Variants in ODR4 observed in about 807,000 individuals in gnomAD.
ODR4 encodes odr-4 GPCR localization factor homolog, also known as protein odr-4 homolog.
In ODR4, 47 loss-of-function variants were observed where a neutral mutation model predicts 60.2. The ratio of observed to expected loss-of-function variants is 0.78; its 90% CI spans 0.62 to 1.00. ODR4 has a LOEUF of 1.00. Among genes scored for constraint, ODR4 ranks in the 50% least tolerant of loss-of-function variants. The pLI, the probability that ODR4 is intolerant of heterozygous loss-of-function variation, is 0.00. For missense variants in ODR4, 488 were observed against 530.8 expected (o/e 0.92, Z 0.79); for synonymous variants, 178 against 175.5 (o/e 1.01, Z -0.11).
intron 13 of ODR4, among the ~76,000 whole-genome samples, chr1:186,417,976 A>G (rs952535787): frequency 5.3e-5 from 8 of 152,192 alleles, no homozygotes; most frequent in Non-Finnish European, 1.2e-4. Flanking sequence ...CTATTGCAGG[A>G]GATTTTGATA....
At chr1:186,397,874 T>G (rs973927062) in intron 9 of ODR4, among the ~76,000 whole-genome samples, 3 of 152,224 alleles carry the variant, frequency 2.0e-5, no homozygotes, top group African/African-American at 7.2e-5. Flanking sequence ...TGTGCATTGC[T>G]TGTAGTTTTA....
At chr1:186,380,575 CA>C (rs76089299) in intron 2 of ODR4, among the ~76,000 whole-genome samples, 1,408 of 129,730 alleles carry the variant, frequency 0.011, 12 homozygotes, top group Middle Eastern at 0.033. Context: ...AGTACAAAGC[CA>C]AAAAAAAAAA....
chr1:186,399,921 A>G (rs909056941), intron 11 of ODR4, among the ~76,000 whole-genome samples: 3 of 151,972 alleles, frequency 2.0e-5, no homozygotes, highest in Non-Finnish European at 2.9e-5. Context: ...TTTTTTAATC[A>G]AAAGCAAGTT....
In ODR4 at chr1:186,391,700, G is replaced by A; in HGVS notation, c.620G>A (p.Gly207Glu). 1 of 1,589,080 alleles carries A rather than the reference G, an allele frequency of 6.3e-7. No individual in the cohort carries two copies. Among genetic ancestry groups the A allele is most frequent in the Non-Finnish European group, 8.6e-7 (1 of 1,163,332 alleles). Residue 207 changes from glycine (G) to glutamate (E), a missense_variant, in exon 8 of 14, where the codon GGA (glycine) becomes GAA (glutamate). Physicochemically the swap from Gly to Glu is moderately conservative, Grantham distance 98. Transcript: ENST00000287859. ...CCATGTTGTGTTTCTGTTAAGAATGGACTTACACGCTGGGCCAAGGAAATA... is the reference window on the plus strand; with the variant it reads ...CCATGTTGTGTTTCTGTTAAGAATGAACTTACACGCTGGGCCAAGGAAATA... ...SYTLEKNTKN[G>E]LTRWAKEIEN...
rs375283264 is a variant in ODR4, at chr1:186,418,992, G to A, written c.1298-17G>A. 1.9e-5 allele frequency: 31 copies of A among 1,594,360 alleles called. No individual in the cohort carries two copies. Among genetic ancestry groups the A allele is most frequent in the Non-Finnish European group, 2.4e-5 (28 of 1,169,304 alleles). On this transcript the variant is annotated splice_polypyrimidine_tract_variant and intron_variant, in intron 13 of 13. Coordinates refer to ENST00000287859, the MANE Select transcript of ODR4 (RefSeq NM_017847.6). Reference sequence around the variant, plus strand: ...CTCATTCCATTTTCATTTGTTCTGTGTTTGTTTTACTTTTAGGTGTGATTG... The same window carrying A: ...CTCATTCCATTTTCATTTGTTCTGTATTTGTTTTACTTTTAGGTGTGATTG...
intron 12 of ODR4, among the ~76,000 whole-genome samples, chr1:186,407,199 G>T (rs1487323084): frequency 1.3e-5 from 2 of 151,992 alleles, no homozygotes; most frequent in Admixed American, 6.6e-5. Flanking sequence ...TTAAAATAAA[G>T]AAGAGCTACT....
the ODR4 span, among the ~76,000 whole-genome samples, chr1:186,426,555 C>T: frequency 6.6e-6 from 1 of 152,164 alleles, no homozygotes; most frequent in Non-Finnish European, 1.5e-5. Flanking sequence ...TGTTCATCCT[C>T]TCAAGGCCTG....
At chr1:186,429,990 G>C in the ODR4 span, among the ~76,000 whole-genome samples, 1 of 152,060 alleles carries the variant, frequency 6.6e-6, no homozygotes, top group South Asian at 2.1e-4. Flanking sequence ...TGAAAGTAGA[G>C]TTAGAAGTTA....
At chr1:186,402,116 A>G (rs1461191159) in intron 11 of ODR4, among the ~76,000 whole-genome samples, 1 of 151,786 alleles carries the variant, frequency 6.6e-6, no homozygotes, top group Non-Finnish European at 1.5e-5. Flanking sequence ...CTACGAAGAC[A>G]AGTTCTCTGG....
intron 12 of ODR4, among the ~76,000 whole-genome samples, chr1:186,411,184 G>C (rs942275368): frequency 2.0e-5 from 3 of 152,196 alleles, no homozygotes; most frequent in Admixed American, 6.5e-5. Flanking sequence ...TCAGATTTTG[G>C]ATTCTTGGGT....
At chr1:186,423,735 G>A (rs997744225), downstream of ODR4, among the ~76,000 whole-genome samples, 2 of 151,982 alleles carry the variant, frequency 1.3e-5, no homozygotes, top group Admixed American at 1.3e-4. Flanking sequence ...GATTACAGGT[G>A]TGAGCCACTG....
rs1335177738 is a variant in ODR4, at chr1:186,398,936, G to T, written c.910-18G>T. On this transcript the variant is annotated intron_variant, in intron 10 of 13. Transcript: ENST00000287859. ...TATTTTATTTCTTACTGTGTTTTTT[G>T]TGTGTTTTTCCCTGTAGGCAGTAAA... 3 of 1,539,560 alleles carry T rather than the reference G, an allele frequency of 1.9e-6. No individual in the cohort carries two copies. In the Admixed American group the frequency reaches 6.0e-5, roughly 31 times the overall value.
the ODR4 span, among the ~76,000 whole-genome samples, chr1:186,434,820 G>C: frequency 6.6e-6 from 1 of 152,166 alleles, no homozygotes; most frequent in African/African-American, 2.4e-5. Flanking sequence ...CCTATTGAAA[G>C]TGCATCTGAT....
the ODR4 span, among the ~76,000 whole-genome samples, chr1:186,431,789 G>T: frequency 6.6e-6 from 1 of 152,100 alleles, no homozygotes; most frequent in Non-Finnish European, 1.5e-5. Context: ...AGGAATTCTT[G>T]GATAAAAGGT....
rs183246843 is a variant in ODR4, at chr1:186,401,622, A to T, written c.1000+2578A>T. On this transcript the variant is annotated intron_variant, in intron 11 of 13. Transcript: ENST00000287859. The stretch of plus-strand genomic sequence containing the variant: ...CCTTCCTCCCTCTCTTTCTATGATC[A>T]CATAGTTTTTGACATTCTTTTGGTG... Among the ~76,000 whole-genome samples the T allele has an allele frequency of 8.0e-5, 11 of 136,680 alleles. No homozygotes were observed. In the East Asian group the frequency reaches 2.3e-3, roughly 29 times the overall value. 89.7% of individuals were successfully genotyped at this position (136,680 alleles called of 152,430 possible).
Position 186,398,404 on chromosome 1 carries a change from T to C in ODR4, c.872T>C (p.Ile291Thr), listed in dbSNP as rs1490665023. ...GGTGCTGTGAAATGCAGAGCTTATA[T>C]CCACAGCAGTAAACCCAAAGTTAAA... ...LKGAVKCRAY[I>T]HSSKPKVKDA... Residue 291 changes from isoleucine (I) to threonine (T), a missense_variant, in exon 10 of 14, where the codon ATC becomes ACC. Physicochemically the swap from Ile to Thr is moderately conservative, Grantham distance 89 (BLOSUM62 -1). Coordinates refer to ENST00000287859, the MANE Select transcript of ODR4 (RefSeq NM_017847.6). 8.7e-6 allele frequency: 14 copies of C among 1,608,840 alleles called. No individual in the cohort carries two copies. Among genetic ancestry groups the C allele is most frequent in the Non-Finnish European group, 1.2e-5 (14 of 1,177,042 alleles).
At chr1:186,388,959 G>A (rs1018133826) in intron 5 of ODR4, among the ~76,000 whole-genome samples, 3 of 152,140 alleles carry the variant, frequency 2.0e-5, no homozygotes, top group Non-Finnish European at 4.4e-5. Flanking sequence ...GAGCTGGATG[G>A]TATAGGACAT....
intron 6 of ODR4, among the ~76,000 whole-genome samples, chr1:186,390,333 G>T (rs771049871): frequency 1.3e-5 from 2 of 152,178 alleles, no homozygotes; most frequent in Non-Finnish European, 2.9e-5. Flanking sequence ...GCAAGGATGG[G>T]ACAGAAAGGA....
chr1:186,379,837 A>C lies in ODR4; in HGVS notation c.52A>C (p.Ile18Leu), dbSNP rs556305579. ...GACTGTTGGCCAGTATCTTTCAAAC[A>C]TAAATCTCCAAGGAAAGGCTTTTGT... ...EETVGQYLSN[I>L]NLQGKAFVSG... The change falls in exon 2 of 14, where the codon ATA becomes CTA. Residue 18 changes from isoleucine (I) to leucine (L), a missense_variant. Physicochemically the swap from Ile to Leu is conservative, Grantham distance 5. Transcript: ENST00000287859. 2 of 1,609,766 alleles carry C rather than the reference A, an allele frequency of 1.2e-6. No individual in the cohort carries two copies. Among genetic ancestry groups the C allele is most frequent in the Non-Finnish European group, 1.7e-6 (2 of 1,178,194 alleles).
Sources: gnomAD v4.1 joint callset for allele counts (sites outside exome capture counted in the v4.1 genomes callset) on GRCh38, gnomAD v4.1.1 for gene constraint, MANE v1.5 for transcripts, NCBI Gene and HGNC (gene_info 2026-07-23, HGNC 2026-07-21) for gene names.